Variants in DHX29 observed in about 807,000 individuals in gnomAD.
DHX29 encodes DExH-box helicase 29, also known as ATP-dependent RNA helicase DHX29.
A neutral mutation model predicts 167.9 loss-of-function variants in DHX29; 79 were observed. The observed-to-expected ratio is 0.47, with a 90% CI of 0.39 to 0.57. DHX29 has a LOEUF of 0.57. Ranked by LOEUF, DHX29 falls within the 20% of genes least tolerant of loss-of-function variation. DHX29 has a pLI of 0.00. For synonymous variants in DHX29, 530 were observed against 546.0 expected, an observed-to-expected ratio of 0.97 and a Z score of 0.41; for missense variants, 1,347 against 1,593.4, an observed-to-expected ratio of 0.85 and a Z score of 2.63.
chr5:55,269,507 G>A lies in DHX29; in HGVS notation c.3200C>T (p.Thr1067Ile). ...GACELNEPKLTPLGQHLAALP... is the reference protein window; with the variant it reads ...GACELNEPKLIPLGQHLAALP... ...AGCTGCAAGGTGTTGGCCCAACGGA[G>A]TCAGTTTAGGCTCATTTAATTCACA... The change falls in exon 21 of 27, where the codon ACT becomes ATT. Residue 1067 changes from threonine to isoleucine, a missense_variant. Transcript: ENST00000251636. The A allele has an allele frequency of 6.2e-7, 1 of 1,614,124 alleles. No individual in the cohort carries two copies.
chr5:55,284,556 T>TA (rs1247955133), intron 10 of DHX29, among the ~76,000 whole-genome samples: 2 of 152,222 alleles, frequency 1.3e-5, no homozygotes, highest in Non-Finnish European at 2.9e-5. Context: ...GAGTTCCACT[T>TA]AATCAGTGTC....
intron 20 of DHX29, 30 bp from the exon 21 acceptor site, chr5:55,269,667 A>G (rs762544575): frequency 4.4e-6 from 7 of 1,573,412 alleles, no homozygotes; most frequent in East Asian, 2.3e-5. Flanking sequence ...TAAAATTGGT[A>G]TGAAATCAAA....
intron 1 of DHX29, among the ~76,000 whole-genome samples, chr5:55,302,079 A>G (rs1327684163): frequency 1.3e-5 from 2 of 152,326 alleles, no homozygotes; most frequent in East Asian, 3.9e-4. Context: ...TAAAAAGATA[A>G]TAACAAGTCT....
chr5:55,292,346 T>G (rs1297526044), intron 6 of DHX29, among the ~76,000 whole-genome samples: 1 of 152,186 alleles, frequency 6.6e-6, no homozygotes, highest in Non-Finnish European at 1.5e-5. Flanking sequence ...TCCTTAGCCT[T>G]TATATTCCGT....
chr5:55,305,512 T>C lies in DHX29; in HGVS notation c.187+1875A>G, dbSNP rs562243470. Among the ~76,000 whole-genome samples, 32 of 152,256 alleles carry C rather than the reference T, an allele frequency of 2.1e-4. 1 individual carries two copies. The South Asian group carries it at 4.1e-3, about 20-fold the overall frequency. On this transcript the variant is annotated intron_variant, in intron 1 of 26. Transcript: ENST00000251636. ...TATTGCAAAGTCAGTGAGGATGCCA[T>C]GGAAGAAAATAGGAAGTGTTACGAC... is the stretch of plus-strand genomic sequence containing the variant.
intron 8 of DHX29, among the ~76,000 whole-genome samples, chr5:55,288,890 T>G (rs1747883415): frequency 6.6e-6 from 1 of 152,004 alleles, no homozygotes; most frequent in Non-Finnish European, 1.5e-5. Context: ...GGTAGAAAGG[T>G]AGATTGTGGC....
At position 55,271,789 on chromosome 5, in the gene DHX29, A is replaced by G. The variant is rs182309008; in HGVS notation, c.2864+298T>C. Among the ~76,000 whole-genome samples, 88 of 152,342 alleles carry G rather than the reference A, an allele frequency of 5.8e-4. 1 individual carries two copies. The highest frequency in any genetic ancestry group is 2.0e-3 in the African/African-American group (85 of 41,594). ...AATCACAAAGAATGCTTTTTGTTAA[A>G]CAATTTATTTTACAAATAAAATATC... is the stretch of plus-strand genomic sequence containing the variant. On this transcript the variant is annotated intron_variant, in intron 18 of 26. Transcript: ENST00000251636.
intron 24 of DHX29, among the ~76,000 whole-genome samples, chr5:55,262,032 T>C (rs938899693): frequency 6.6e-6 from 1 of 152,176 alleles, no homozygotes; most frequent in Non-Finnish European, 1.5e-5. Context: ...TTCCCTTTTC[T>C]TCTCATACTG....
intron 12 of DHX29, among the ~76,000 whole-genome samples, chr5:55,281,127 C>G (rs1747387556): frequency 6.6e-6 from 1 of 151,790 alleles, no homozygotes; most frequent in African/African-American, 2.4e-5. Context: ...TACACACACA[C>G]ACACACGCTA....
At chr5:55,291,818 C>T (rs1336691343) in intron 6 of DHX29, among the ~76,000 whole-genome samples, 2 of 152,164 alleles carry the variant, frequency 1.3e-5, no homozygotes, top group Non-Finnish European at 2.9e-5. Context: ...TAATGTCGGT[C>T]GAGGTCCATC....
At chr5:55,275,130 T>C in intron 14 of DHX29, 120 bp from the exon 15 acceptor site, 2 of 1,166,014 alleles carry the variant, frequency 1.7e-6, no homozygotes, top group Non-Finnish European at 2.4e-6. Context: ...TTGTCACCAT[T>C]ACTATTTTGT....
intron 24 of DHX29, 31 bp from the exon 25 acceptor site, chr5:55,261,530 C>A: frequency 1.4e-6 from 2 of 1,427,000 alleles, no homozygotes; most frequent in Non-Finnish European, 9.6e-7. Context: ...AAAATAACTT[C>A]AAAATATAAA....
chr5:55,277,066 T>A, intron 13 of DHX29, 40 bp downstream of exon 13: 1 of 1,450,704 alleles, frequency 6.9e-7, no homozygotes. Flanking sequence ...CTGGTGGGAA[T>A]GCAGTTTCTG....
chr5:55,278,996 G>A (rs1293248037), intron 12 of DHX29, among the ~76,000 whole-genome samples: 3 of 152,208 alleles, frequency 2.0e-5, no homozygotes, highest in Non-Finnish European at 2.9e-5. Flanking sequence ...TTTTAAAGCA[G>A]AGGAATCATG....
intron 1 of DHX29, among the ~76,000 whole-genome samples, chr5:55,299,096 T>C (rs1436589272): frequency 6.6e-6 from 1 of 151,242 alleles, no homozygotes; most frequent in South Asian, 2.1e-4. Context: ...TCAGCTTTTT[T>C]CCCCAATACT....
intron 1 of DHX29, among the ~76,000 whole-genome samples, chr5:55,301,917 T>A (rs1748624971): frequency 6.6e-6 from 1 of 152,138 alleles, no homozygotes; most frequent in Admixed American, 6.5e-5. Context: ...CTAATATAAT[T>A]AGATATTTTA....
chr5:55,296,501 T>C lies in DHX29; in HGVS notation c.376-152A>G, dbSNP rs552411995. ...CCAGTTAAAAATGAAATGTGTTTAC[T>C]GAATTAAGAATTTGGAAACCAGAGA... On this transcript the variant is annotated intron_variant, in intron 3 of 26. Transcript: ENST00000251636. 6.6e-5 allele frequency: 71 copies of C among 1,067,754 alleles called. 2 individuals carry two copies. The South Asian group carries it at 1.8e-3, about 27-fold the overall frequency. 66.1% of individuals were successfully genotyped at this position (1,067,754 alleles called of 1,614,324 possible).
intron 8 of DHX29, among the ~76,000 whole-genome samples, chr5:55,288,786 A>C (rs185595944): frequency 6.6e-6 from 1 of 152,290 alleles, no homozygotes; most frequent in East Asian, 1.9e-4. Flanking sequence ...AGGTTGGCCA[A>C]GTAGGGGGTA....
intron 14 of DHX29, among the ~76,000 whole-genome samples, chr5:55,275,404 C>T (rs1454129022): frequency 6.6e-6 from 1 of 152,164 alleles, no homozygotes; most frequent in Non-Finnish European, 1.5e-5. Context: ...TCTACTTTGG[C>T]TCCTGGATTC....
Sources: gnomAD v4.1 joint callset for allele counts (sites outside exome capture counted in the v4.1 genomes callset) on GRCh38, gnomAD v4.1.1 for gene constraint, MANE v1.5 for transcripts, NCBI Gene and HGNC (gene_info 2026-07-23, HGNC 2026-07-21) for gene names.